Variants in ARK2C observed in about 807,000 individuals in gnomAD.
ARK2C encodes E3 ubiquitin-protein ligase ARK2C.
chr18:46,411,696 G>T, the ARK2C span, among the ~76,000 whole-genome samples: 1 of 152,316 alleles, frequency 6.6e-6, no homozygotes, highest in Non-Finnish European at 1.5e-5. Context: ...ATGTTCCAAA[G>T]GGGTGAGGCC....
At chr18:46,395,531 G>T in the ARK2C span, among the ~76,000 whole-genome samples, 1 of 152,092 alleles carries the variant, frequency 6.6e-6, no homozygotes, top group African/African-American at 2.4e-5. Context: ...TGTCATCTTT[G>T]CTTTAAGGAT....
the ARK2C span, among the ~76,000 whole-genome samples, chr18:46,438,176 T>C: frequency 6.6e-6 from 1 of 152,268 alleles, no homozygotes. Context: ...GGGTTAACCC[T>C]GTGGCTTTAG....
the ARK2C span, among the ~76,000 whole-genome samples, chr18:46,369,609 G>T: frequency 2.6e-5 from 4 of 152,190 alleles, no homozygotes; most frequent in Admixed American, 6.5e-5. Flanking sequence ...AATGTAGCCA[G>T]AAAACTTTGG....
At chr18:46,461,232 G>C in the ARK2C span, 1 of 152,316 alleles carries the variant, frequency 6.6e-6, no homozygotes, top group Non-Finnish European at 1.5e-5. Flanking sequence ...AGTTTTCTGG[G>C]TGGGGTGAGT....
the ARK2C span, among the ~76,000 whole-genome samples, chr18:46,391,155 A>C: frequency 1.3e-5 from 2 of 152,162 alleles, no homozygotes; most frequent in African/African-American, 4.8e-5. Context: ...AGGGTTCGCC[A>C]CTTCGCAATT....
At chr18:46,337,906 T>A in the ARK2C span, among the ~76,000 whole-genome samples, 1 of 152,140 alleles carries the variant, frequency 6.6e-6, no homozygotes, top group African/African-American at 2.4e-5. Context: ...AGTTGTCCTG[T>A]TACACTGAAA....
chr18:46,396,611 T>C, the ARK2C span, among the ~76,000 whole-genome samples: 2 of 152,234 alleles, frequency 1.3e-5, no homozygotes, highest in African/African-American at 4.8e-5. Context: ...CTTTGGTAAG[T>C]ATCTACTGTC....
chr18:46,440,350 T>C, the ARK2C span, among the ~76,000 whole-genome samples: 5 of 152,208 alleles, frequency 3.3e-5, no homozygotes, highest in African/African-American at 1.2e-4. Context: ...TTCTATTTTG[T>C]TATTGGTTAT....
At chr18:46,450,050 T>G in the ARK2C span, among the ~76,000 whole-genome samples, 23 of 152,308 alleles carry the variant, frequency 1.5e-4, no homozygotes, top group African/African-American at 5.5e-4. Context: ...TCACGTTAAG[T>G]GCTTAGAACA....
chr18:46,381,197 A>AG, the ARK2C span, among the ~76,000 whole-genome samples: 1 of 152,236 alleles, frequency 6.6e-6, no homozygotes, highest in Non-Finnish European at 1.5e-5. Flanking sequence ...GCATTGGGAT[A>AG]AGGCCAGGCA....
the ARK2C span, among the ~76,000 whole-genome samples, chr18:46,357,247 A>G: frequency 1.3e-5 from 2 of 152,176 alleles, no homozygotes; most frequent in South Asian, 4.1e-4. Flanking sequence ...TCTCTTCCCC[A>G]GTGGTAACAG....
chr18:46,405,049 A>AT, the ARK2C span, among the ~76,000 whole-genome samples: 96 of 149,338 alleles, frequency 6.4e-4, no homozygotes, highest in African/African-American at 2.1e-3. Context: ...GACCCCACCA[A>AT]TTTTTTTTTT....
At chr18:46,433,196 C>G in the ARK2C span, 1 of 1,576,184 alleles carries the variant, frequency 6.3e-7, no homozygotes, top group Non-Finnish European at 8.6e-7. Flanking sequence ...CCAGGTGCCC[C>G]CTTTCAAAGG....
At chr18:46,431,684 AC>A in the ARK2C span, among the ~76,000 whole-genome samples, 2 of 152,076 alleles carry the variant, frequency 1.3e-5, no homozygotes, top group Non-Finnish European at 2.9e-5. Context: ...CCTCGGGTCA[AC>A]CCCCACTCCT....
the ARK2C span, among the ~76,000 whole-genome samples, chr18:46,348,237 G>A: frequency 1.4e-5 from 2 of 146,808 alleles, no homozygotes; most frequent in African/African-American, 2.5e-5. Context: ...GCTGGGGGGG[G>A]TGAGGGGAGG....
chr18:46,419,841 C>T, the ARK2C span, among the ~76,000 whole-genome samples: 3 of 152,156 alleles, frequency 2.0e-5, no homozygotes, highest in Non-Finnish European at 2.9e-5. Context: ...CTCCCTCCCC[C>T]CTTCCTCTTT....
chr18:46,402,003 G>A, the ARK2C span, among the ~76,000 whole-genome samples: 1 of 152,236 alleles, frequency 6.6e-6, no homozygotes, highest in Non-Finnish European at 1.5e-5. Flanking sequence ...GCTCTCACAA[G>A]TGGTTGGACT....
the ARK2C span, among the ~76,000 whole-genome samples, chr18:46,385,149 C>T: frequency 6.6e-6 from 1 of 152,310 alleles, no homozygotes; most frequent in South Asian, 2.1e-4. Flanking sequence ...CTGGTGCCAG[C>T]TCTTGTCTGT....
the ARK2C span, among the ~76,000 whole-genome samples, chr18:46,391,588 T>G: frequency 6.6e-6 from 1 of 152,050 alleles, no homozygotes. Flanking sequence ...CAGGGTAGTT[T>G]GCACAGCCAG....
Sources: allele counts gnomAD v4.1 joint callset (sites outside exome capture counted in the v4.1 genomes callset), GRCh38; gene constraint gnomAD v4.1.1; transcripts MANE v1.5; gene names NCBI Gene and HGNC (gene_info 2026-07-23, HGNC 2026-07-21).